TMEM131: variants seen among roughly 807,000 people sequenced by gnomAD.
TMEM131 encodes the protein transmembrane protein 131.
A neutral mutation model predicts 211.6 loss-of-function variants in TMEM131; 66 were observed. The observed-to-expected ratio is 0.31, with a 90% CI of 0.26 to 0.38. The LOEUF (loss-of-function observed/expected upper bound fraction) is 0.38, where lower values mean the gene tolerates loss of function less well. Among genes scored for constraint, TMEM131 ranks in the 10% least tolerant of loss-of-function variants. The pLI, the probability that TMEM131 is intolerant of heterozygous loss-of-function variation, is 1.00. For missense variants in TMEM131, 2,036 were observed against 2,299.3 expected (o/e 0.89, Z 2.34); for synonymous variants, 844 against 841.3 (o/e 1.00, Z -0.06).
At chr2:97,990,869 AT>A (rs1291829147) in intron 1 of TMEM131, among the ~76,000 whole-genome samples, 1 of 152,198 alleles carries the variant, frequency 6.6e-6, no homozygotes, top group Non-Finnish European at 1.5e-5. Context: ...TAAAACAAAA[AT>A]TTGTGCATGA....
At chr2:97,974,871 A>G (rs557981206) in intron 1 of TMEM131, among the ~76,000 whole-genome samples, 1 of 152,306 alleles carries the variant, frequency 6.6e-6, no homozygotes, top group South Asian at 2.1e-4. Context: ...AGGAAATGAT[A>G]CCAGGTGGAA....
intron 1 of TMEM131, among the ~76,000 whole-genome samples, chr2:97,960,944 T>C (rs1678787066): frequency 6.6e-6 from 1 of 152,104 alleles, no homozygotes; most frequent in Non-Finnish European, 1.5e-5. Context: ...TTCACCATCT[T>C]AATATAGAGA....
At chr2:97,870,586 T>G (rs1412677007) in intron 4 of TMEM131, among the ~76,000 whole-genome samples, 2 of 152,176 alleles carry the variant, frequency 1.3e-5, no homozygotes, top group African/African-American at 2.4e-5. Flanking sequence ...AAGCAGCAGC[T>G]ATGAATTAGA....
intron 3 of TMEM131, among the ~76,000 whole-genome samples, chr2:97,900,326 T>C (rs1256218973): frequency 1.3e-5 from 2 of 151,982 alleles, no homozygotes; most frequent in Admixed American, 6.6e-5. Flanking sequence ...TTGACTAACA[T>C]CTCTCAAATC....
chr2:97,837,020 T>G lies in TMEM131; in HGVS notation c.804+57A>C, dbSNP rs1035944881. 6 of 1,398,178 alleles carry G rather than the reference T, an allele frequency of 4.3e-6. No individual in the cohort carries two copies. The Admixed American group carries it at 1.0e-4, about 24-fold the overall frequency. The allele number at this position is 1,398,178 out of a possible 1,614,324, so 86.6% of individuals were successfully genotyped here. A position where few individuals can be genotyped will look rare whatever the true frequency, so the allele number is the denominator to read the frequency against. On this transcript the variant is annotated intron_variant, in intron 8 of 40. Transcript: ENST00000186436. ...ATTAAGGAGTTAAATATTTTCTAAT[T>G]TAAGAATAATCGGTTTCATGGGAGC... is the stretch of plus-strand genomic sequence containing the variant.
intron 1 of TMEM131, among the ~76,000 whole-genome samples, chr2:97,995,037 G>A (rs1247107098): frequency 1.3e-5 from 2 of 152,206 alleles, no homozygotes; most frequent in East Asian, 1.9e-4. Context: ...TCCCCTCGAA[G>A]AAATGTCTGA....
chr2:97,963,229 C>A (rs1480109646), intron 1 of TMEM131, among the ~76,000 whole-genome samples: 2 of 152,186 alleles, frequency 1.3e-5, no homozygotes, highest in East Asian at 1.9e-4. Context: ...TAGTCATGTT[C>A]AACCTTACAG....
chr2:97,984,606 G>C (rs1300369704), intron 1 of TMEM131, among the ~76,000 whole-genome samples: 1 of 151,716 alleles, frequency 6.6e-6, no homozygotes, highest in African/African-American at 2.4e-5. Context: ...TTTAATACCA[G>C]GTCTCAGGTG....
chr2:97,923,628 TAAAAAAAAAAAA>T (rs71386040), intron 2 of TMEM131, among the ~76,000 whole-genome samples: 1 of 30,188 alleles, frequency 3.3e-5, no homozygotes, highest in South Asian at 5.8e-4. Context: ...TCTTTTTTTT[TAAAAAAAAAAAA>T]AAAAAAAAAA....
intron 8 of TMEM131, among the ~76,000 whole-genome samples, chr2:97,835,191 T>G (rs1682884830): frequency 6.6e-6 from 1 of 152,184 alleles, no homozygotes; most frequent in African/African-American, 2.4e-5. Flanking sequence ...GAAAACAAAT[T>G]GTCAGTTACA....
At chr2:97,791,217 TTG>T (rs2104879505) in intron 31 of TMEM131, among the ~76,000 whole-genome samples, 1 of 152,330 alleles carries the variant, frequency 6.6e-6, no homozygotes, top group African/African-American at 2.4e-5. Flanking sequence ...GTCTACCTAT[TTG>T]TGTGTGGTGC....
chr2:97,981,559 C>G (rs1679799131), intron 1 of TMEM131, among the ~76,000 whole-genome samples: 1 of 152,078 alleles, frequency 6.6e-6, no homozygotes, highest in Admixed American at 6.6e-5. Context: ...GGTTTTTTCC[C>G]CCTTAGATGA....
At chr2:97,913,835 A>C (rs1389760234) in intron 2 of TMEM131, among the ~76,000 whole-genome samples, 2 of 152,168 alleles carry the variant, frequency 1.3e-5, no homozygotes, top group African/African-American at 4.8e-5. Context: ...GGTACCAGGA[A>C]GCCACACCAG....
chr2:97,774,644 ACTGGGGGCCG>A (rs1679628291), intron 32 of TMEM131, among the ~76,000 whole-genome samples: 1 of 152,286 alleles, frequency 6.6e-6, no homozygotes, highest in African/African-American at 2.4e-5. Context: ...AACACTGGCC[ACTGGGGGCCG>A]CTGGAGAGGG....
Position 97,792,696 on chromosome 2 carries a change from T to C in TMEM131, c.3834A>G (p.Arg1278=). The C allele has an allele frequency of 6.2e-7, 1 of 1,614,066 alleles. No homozygotes were observed. Among genetic ancestry groups the C allele is most frequent in the Non-Finnish European group, 8.5e-7 (1 of 1,179,898 alleles). Residue 1278 remains arginine (R), a synonymous_variant, in exon 31 of 41, where the codon AGA becomes AGG. Coordinates refer to ENST00000186436, the MANE Select transcript of TMEM131 (RefSeq NM_015348.2). ...GGCTCTGCTTTGCCCCTTTGGACTTTCTGCCCGCTGTATGACCTTGAGTCA... is the reference window on the plus strand; with the variant it reads ...GGCTCTGCTTTGCCCCTTTGGACTTCCTGCCCGCTGTATGACCTTGAGTCA... ...NTVTQGHTAG[R]KSKGAKQSQH...
intron 1 of TMEM131, among the ~76,000 whole-genome samples, chr2:97,990,118 T>C (rs538923443): frequency 1.6e-4 from 24 of 152,190 alleles, no homozygotes; most frequent in Non-Finnish European, 3.1e-4. Flanking sequence ...AAGGCAATAT[T>C]GCTTAACCTT....
intron 5 of TMEM131, among the ~76,000 whole-genome samples, chr2:97,856,697 G>A (rs1673861249): frequency 2.0e-5 from 3 of 152,134 alleles, no homozygotes; most frequent in Non-Finnish European, 4.4e-5. Flanking sequence ...TTTCCCCAAG[G>A]CTCTTATTGT....
At chr2:97,910,977 A>G (rs1292709360) in intron 2 of TMEM131, among the ~76,000 whole-genome samples, 2 of 152,226 alleles carry the variant, frequency 1.3e-5, no homozygotes, top group Non-Finnish European at 2.9e-5. Flanking sequence ...TGGCTTGTAC[A>G]TAAATGTTCG....
chr2:97,995,458 C>A lies in TMEM131; in HGVS notation c.187+18G>T. The stretch of plus-strand genomic sequence containing the variant: ...GGGTGACAGCCCCGCCGCAGGGACG[C>A]CGCCGGGGGACACCCACCTTCCTTC... On this transcript the variant is annotated intron_variant, in intron 1 of 40. Transcript: ENST00000186436. 7.3e-7 allele frequency: 1 copy of A among 1,375,656 alleles called. No individual in the cohort carries two copies. The highest frequency in any genetic ancestry group is 1.7e-5 in the South Asian group (1 of 59,906). 85.2% of individuals were successfully genotyped at this position (1,375,656 alleles called of 1,614,324 possible).
Sources: allele counts gnomAD v4.1 joint callset (sites outside exome capture counted in the v4.1 genomes callset), GRCh38; gene constraint gnomAD v4.1.1; transcripts MANE v1.5; gene names NCBI Gene and HGNC (gene_info 2026-07-23, HGNC 2026-07-21).